Variants in CAPN11 observed in about 807,000 individuals in gnomAD.
CAPN11 encodes the protein calpain 11, also known as calpain-11.
CAPN11 carries 108 observed loss-of-function variants against 105.3 expected under a neutral mutation model. The observed-to-expected ratio is 1.03, with a 90% confidence interval of 0.88 to 1.20. The LOEUF is 1.20. CAPN11 is among the 50% of genes most tolerant of loss of function. CAPN11 has a pLI of 0.00. For missense variants in CAPN11, 883 were observed against 924.8 expected, an observed-to-expected ratio of 0.95 and a Z score of 0.59; for synonymous variants, 329 against 344.5, an observed-to-expected ratio of 0.96 and a Z score of 0.50.
rs367680410 is a variant in CAPN11 at position 44,176,079 on chromosome 6, T to C, written c.843T>C (p.Asp281=). ...TCTCTGTTCTGTAGGTCACCAGTGA[T>C]AGTGAACTGGAATCCATGACTGACA... The part of the protein sequence containing the change: ...LMGCSIEVTS[D]SELESMTDKM... Residue 281 remains aspartate, a synonymous_variant, in exon 8 of 23, where the codon GAT becomes GAC. Coordinates refer to ENST00000398776, the MANE Select transcript of CAPN11 (RefSeq NM_007058.4). 1.6e-4 allele frequency: 251 copies of C among 1,610,352 alleles called. No homozygotes were observed. Among genetic ancestry groups the C allele is most frequent in the Non-Finnish European group, 1.9e-4 (228 of 1,177,666 alleles).
At chr6:44,183,657 C>T in intron 21 of CAPN11, 48 bp from the exon 22 acceptor site, 2 of 1,580,262 alleles carry the variant, frequency 1.3e-6, no homozygotes, top group Admixed American at 1.7e-5. Context: ...TCTTTCGGAA[C>T]ACTGACTTAG....
intron 1 of CAPN11, among the ~76,000 whole-genome samples, chr6:44,163,265 T>C (rs1163935523): frequency 6.6e-6 from 1 of 152,182 alleles, no homozygotes; most frequent in Non-Finnish European, 1.5e-5. Context: ...GCATTAGCTC[T>C]GCTAAAAAGG....
In CAPN11 at chr6:44,169,477, G is replaced by A. The variant is rs941418743; in HGVS notation, c.285G>A (p.Lys95=). The A allele has an allele frequency of 1.9e-6, 3 of 1,608,458 alleles. No homozygotes were observed. Among genetic ancestry groups the A allele is most frequent in the African/African-American group, 1.3e-5 (1 of 74,894 alleles). Residue 95 remains lysine, a synonymous_variant, in exon 3 of 23, where the codon AAG becomes AAA. Transcript: ENST00000398776. ...CTGAACCCAGCTCACTGGGCTTCAA[G>A]GACCTGGGCCCCAACTCCAAAAATG... ...FPAEPSSLGF[K]DLGPNSKNVQ... is the part of the protein sequence containing the mutation.
chr6:44,172,802 C>G (rs1182477551), intron 5 of CAPN11, 138 bp from the exon 6 acceptor site: 4 of 984,344 alleles, frequency 4.1e-6, no homozygotes, highest in Admixed American at 2.8e-5. Flanking sequence ...CGGGCTCAGG[C>G]TTTGGGTTGC....
Position 44,177,419 on chromosome 6 carries a change from C to A in CAPN11, c.1415C>A (p.Ala472Glu), listed in dbSNP as rs776928325. ...CAGACCATTGGCTTTGTCCTCTACGCGGTGGGTGCCTGGCTGGTCTCGCCC... is the reference window on the plus strand; with the variant it reads ...CAGACCATTGGCTTTGTCCTCTACGAGGTGGGTGCCTGGCTGGTCTCGCCC... ...QLQTIGFVLY[A>E]VPKEFQNIQD... Residue 472 changes from alanine (A) to glutamate (E), a missense_variant and splice_region_variant, in exon 12 of 23, where the codon GCG becomes GAG. Ala to Glu is a moderately radical substitution (Grantham distance 107, BLOSUM62 -1). Coordinates refer to ENST00000398776, the MANE Select transcript of CAPN11 (RefSeq NM_007058.4). 4 of 1,607,868 alleles carry A rather than the reference C, an allele frequency of 2.5e-6. No homozygotes were observed. Among genetic ancestry groups the A allele is most frequent in the Non-Finnish European group, 3.4e-6 (4 of 1,176,150 alleles).
chr6:44,162,540 C>T (rs1769075346), intron 1 of CAPN11, among the ~76,000 whole-genome samples: 1 of 152,128 alleles, frequency 6.6e-6, no homozygotes, highest in South Asian at 2.1e-4. Context: ...AACTCCCAGA[C>T]TCTGGCTCTA....
intron 3 of CAPN11, 33 bp from the exon 4 acceptor site, chr6:44,169,873 G>T: frequency 6.5e-7 from 1 of 1,530,872 alleles, no homozygotes; most frequent in Admixed American, 1.8e-5. Flanking sequence ...GGGGTGTCCT[G>T]GGCCCCCTGA....
At position 44,172,432 on chromosome 6, in the gene CAPN11, T is replaced by C; in HGVS notation, c.528+12T>C. ...TCTTCCATTTTCAGGTGAAGGACAG[T>C]GTGAGAGCCACTGTGGCTTTGTTGG... is the stretch of plus-strand genomic sequence containing the variant. On this transcript the variant is annotated intron_variant, in intron 5 of 22. Coordinates refer to ENST00000398776, the MANE Select transcript of CAPN11 (RefSeq NM_007058.4). 1 of 1,489,088 alleles carries C rather than the reference T, an allele frequency of 6.7e-7. No homozygotes were observed. Among genetic ancestry groups the C allele is most frequent in the Non-Finnish European group, 9.2e-7 (1 of 1,092,742 alleles). 92.2% of individuals were successfully genotyped at this position (1,489,088 alleles called of 1,614,324 possible).
chr6:44,164,203 T>C (rs866117890), intron 1 of CAPN11, among the ~76,000 whole-genome samples: 31 of 152,170 alleles, frequency 2.0e-4, no homozygotes, highest in African/African-American at 7.2e-4. Flanking sequence ...ACACTTACTA[T>C]GTACTCAATA....
In CAPN11 at chr6:44,180,107, A is replaced by G; in HGVS notation, c.1584A>G (p.Pro528=). 6.2e-7 allele frequency: 1 copy of G among 1,613,588 alleles called. No homozygotes were observed. Among genetic ancestry groups the G allele is most frequent in the Non-Finnish European group, 8.5e-7 (1 of 1,179,776 alleles). Residue 528 remains proline, a synonymous_variant, in exon 14 of 23, where the codon CCA becomes CCG. Transcript: ENST00000398776. ...EYIIIPSTFE[P]HRDADFLLRV... is the part of the protein sequence containing the mutation. Reference sequence around the variant, plus strand: ...TCATTATTCCCTCCACCTTTGAGCCACACAGAGATGCTGACTTCCTGCTTC... The same window carrying G: ...TCATTATTCCCTCCACCTTTGAGCCGCACAGAGATGCTGACTTCCTGCTTC...
Position 44,172,344 on chromosome 6 carries a change from G to A in CAPN11, c.452G>A (p.Cys151Tyr), listed in dbSNP as rs757937446. Residue 151 changes from cysteine (C) to tyrosine (Y), a missense_variant, in exon 5 of 23, where the codon TGC (cysteine) becomes TAC (tyrosine). Transcript: ENST00000398776. Reference protein sequence around the residue: ...LLAAIGSLTTCPKLLYRVVPR... With the variant: ...LLAAIGSLTTYPKLLYRVVPR... ...GCTGCCATCGGCTCCCTTACCACCT[G>A]CCCCAAACTGCTATACCGCGTGGTG... The A allele has an allele frequency of 4.5e-6, 7 of 1,560,866 alleles. No individual in the cohort carries two copies. Among genetic ancestry groups the A allele is most frequent in the African/African-American group, 2.7e-5 (2 of 73,268 alleles).
In CAPN11 at chr6:44,172,309, C is replaced by G. The variant is rs1462611906; in HGVS notation, c.417C>G (p.Cys139Trp). Residue 139 changes from cysteine (C) to tryptophan (W), a missense_variant, in exon 5 of 23, where the codon TGC becomes TGG. Coordinates refer to ENST00000398776, the MANE Select transcript of CAPN11 (RefSeq NM_007058.4). ...CCCTGCCTGTCTTTCCAGGGGACTG[C>G]TGGCTGCTGGCTGCCATCGGCTCCC... ...TDICQGILGD[C>W]WLLAAIGSLT... 1 of 1,551,984 alleles carries G rather than the reference C, an allele frequency of 6.4e-7. No individual in the cohort carries two copies. The highest frequency in any genetic ancestry group is 8.7e-7 in the Non-Finnish European group (1 of 1,147,750).
At chr6:44,170,085 G>A (rs1770704756) in intron 4 of CAPN11, 110 bp downstream of exon 4, 2 of 783,510 alleles carry the variant, frequency 2.6e-6, no homozygotes, top group Non-Finnish European at 4.4e-6. Flanking sequence ...CAGACAGCCT[G>A]CTTCTGTTCC....
At chr6:44,180,882 C>G (rs1212882165) in intron 17 of CAPN11, 51 bp from the exon 18 acceptor site, 2 of 1,603,314 alleles carry the variant, frequency 1.2e-6, no homozygotes, top group African/African-American at 1.3e-5. Context: ...AGTGCCCCCA[C>G]GATACCTCAT....
At chr6:44,176,421 A>G in intron 9 of CAPN11, 83 bp downstream of exon 9, 1 of 1,361,064 alleles carries the variant, frequency 7.3e-7, no homozygotes, top group Non-Finnish European at 1.0e-6. Context: ...CCCATCTAGG[A>G]GAACAACCTG....
chr6:44,177,573 A>C (rs4714765), intron 12 of CAPN11, 153 bp downstream of exon 12: 562,508 of 675,874 alleles, frequency 0.83, 238,648 homozygotes, highest in African/African-American at 0.97. Context: ...CTGCAACCTC[A>C]GCCTCCCCAG....
In CAPN11 at chr6:44,180,651, G is replaced by A. The variant is rs1410821878; in HGVS notation, c.1735G>A (p.Val579Met). ...GGACTTCCTACATTTGTTTAAGATA[G>A]TGGCAGGAGAGGTGAGCAGGCCACG... is the stretch of plus-strand genomic sequence containing the variant. ...DQDFLHLFKIVAGEGKEIGVY... is the reference protein window; with the variant it reads ...DQDFLHLFKIMAGEGKEIGVY... The change falls in exon 16 of 23, where the codon GTG (valine) becomes ATG (methionine). Residue 579 changes from valine to methionine, a missense_variant. Coordinates refer to ENST00000398776, the MANE Select transcript of CAPN11 (RefSeq NM_007058.4). 1 of 1,613,806 alleles carries A rather than the reference G, an allele frequency of 6.2e-7. No individual in the cohort carries two copies. The highest frequency in any genetic ancestry group is 2.2e-5 in the East Asian group (1 of 44,860).
intron 1 of CAPN11, among the ~76,000 whole-genome samples, chr6:44,165,008 C>T (rs1377802662): frequency 6.6e-6 from 1 of 152,128 alleles, no homozygotes; most frequent in Non-Finnish European, 1.5e-5. Flanking sequence ...CCTGCCTCAG[C>T]CACAGGAGTA....
intron 1 of CAPN11, among the ~76,000 whole-genome samples, chr6:44,162,397 A>G (rs1769029634): frequency 6.7e-6 from 1 of 149,552 alleles, no homozygotes; most frequent in Non-Finnish European, 1.5e-5. Flanking sequence ...ACACACACAC[A>G]CACACACACA....
Sources: gnomAD v4.1 joint callset for allele counts (sites outside exome capture counted in the v4.1 genomes callset) on GRCh38, gnomAD v4.1.1 for gene constraint, MANE v1.5 for transcripts, NCBI Gene and HGNC (gene_info 2026-07-23, HGNC 2026-07-21) for gene names.